The following DNAJB6 variants were observed in gnomAD, a reference collection of about 807,000 sequenced individuals.
The protein encoded by DNAJB6 is DnaJ heat shock protein family (Hsp40) member B6.
DNAJB6 carries 16 observed loss-of-function variants against 42.7 expected under a neutral mutation model. That is an observed-to-expected ratio of 0.37 (90% confidence interval 0.25 to 0.57). DNAJB6 has a LOEUF of 0.57. Among genes scored for constraint, DNAJB6 ranks in the 20% least tolerant of loss-of-function variants. The probability of loss-of-function intolerance (pLI) is 0.74; values close to 1 mark genes in which losing one functional copy is unlikely to be tolerated. For synonymous variants in DNAJB6, 170 were observed against 163.5 expected (o/e 1.04, Z -0.30); for missense variants, 347 against 416.8 (o/e 0.83, Z 1.46).
intron 1 of DNAJB6, among the ~76,000 whole-genome samples, chr7:157,340,257 T>A (rs1464167183): frequency 6.6e-6 from 1 of 152,214 alleles, no homozygotes; most frequent in Non-Finnish European, 1.5e-5. Flanking sequence ...ATGATTCTGT[T>A]CAAAATGTGG....
chr7:157,379,425 G>A (rs1335611709), intron 5 of DNAJB6: 1 of 152,198 alleles, frequency 6.6e-6, no homozygotes. Context: ...TAGGGACTCA[G>A]GTATGGACAG....
chr7:157,415,590 C>T (rs181546545), intron 9 of DNAJB6: 36 of 189,468 alleles, frequency 1.9e-4, no homozygotes, highest in African/African-American at 7.3e-4. Context: ...GGTGGGGTTC[C>T]GGGACTGAGG....
chr7:157,386,959 T>C (rs1192998081), intron 8 of DNAJB6, among the ~76,000 whole-genome samples: 1 of 151,362 alleles, frequency 6.6e-6, no homozygotes, highest in Non-Finnish European at 1.5e-5. Flanking sequence ...ATGATTACCA[T>C]TGGTAACTAG....
At chr7:157,367,525 C>G in intron 5 of DNAJB6, 42 bp downstream of exon 5, 1 of 1,175,328 alleles carries the variant, frequency 8.5e-7, no homozygotes, top group Non-Finnish European at 1.3e-6. Context: ...TGTCCATGAC[C>G]CAAATGAGGG....
intron 1 of DNAJB6, among the ~76,000 whole-genome samples, chr7:157,350,374 G>A (rs538331936): frequency 7.2e-5 from 11 of 152,262 alleles, no homozygotes; most frequent in African/African-American, 1.4e-4. Context: ...GTAACTATGC[G>A]GAAGAGAAAT....
chr7:157,405,926 C>T (rs539422610), intron 8 of DNAJB6, among the ~76,000 whole-genome samples: 4 of 152,356 alleles, frequency 2.6e-5, no homozygotes, highest in African/African-American at 9.6e-5. Flanking sequence ...GGTGGGAACG[C>T]TCCATCCACA....
At chr7:157,376,977 AT>A (rs1800508636) in intron 5 of DNAJB6, among the ~76,000 whole-genome samples, 2 of 152,170 alleles carry the variant, frequency 1.3e-5, no homozygotes, top group Non-Finnish European at 2.9e-5. Flanking sequence ...GAATGAAAAC[AT>A]TTTCTGGTTG....
chr7:157,348,774 C>G (rs1246667467), intron 1 of DNAJB6, among the ~76,000 whole-genome samples: 2 of 152,082 alleles, frequency 1.3e-5, no homozygotes, highest in Non-Finnish European at 2.9e-5. Context: ...CTTTCTTGTC[C>G]TGACTCCCTC....
At chr7:157,347,353 G>A (rs759588271) in intron 1 of DNAJB6, among the ~76,000 whole-genome samples, 1 of 152,200 alleles carries the variant, frequency 6.6e-6, no homozygotes, top group Non-Finnish European at 1.5e-5. Flanking sequence ...GCTAGCATGA[G>A]TTCTGGAGGC....
At chr7:157,412,559 T>C (rs1050072394) in intron 9 of DNAJB6, 14 of 152,156 alleles carry the variant, frequency 9.2e-5, no homozygotes, top group African/African-American at 1.2e-4. Context: ...TCACTGAAGG[T>C]CTCGCTTTCC....
At chr7:157,360,702 T>C (rs754768436) in intron 2 of DNAJB6, among the ~76,000 whole-genome samples, 2 of 152,226 alleles carry the variant, frequency 1.3e-5, no homozygotes, top group Non-Finnish European at 2.9e-5. Flanking sequence ...GGGGGCGTGC[T>C]GTTAGTCTAT....
chr7:157,377,009 A>G (rs143840611), intron 5 of DNAJB6, among the ~76,000 whole-genome samples: 2,568 of 152,330 alleles, frequency 0.017, 41 homozygotes, highest in Non-Finnish European at 0.026. Context: ...GAGTTTGTCT[A>G]AAGACCTGGG....
intron 8 of DNAJB6, among the ~76,000 whole-genome samples, chr7:157,398,162 C>G (rs1801686475): frequency 6.6e-6 from 1 of 152,310 alleles, no homozygotes; most frequent in African/African-American, 2.4e-5. Context: ...ACAGCACTGC[C>G]TTGCCACATT....
intron 8 of DNAJB6, among the ~76,000 whole-genome samples, chr7:157,397,201 CCTGGGAAGTTG>C (rs1356842909): frequency 6.6e-6 from 1 of 152,224 alleles, no homozygotes; most frequent in Non-Finnish European, 1.5e-5. Flanking sequence ...CGGCGTGCTT[CCTGGGAAGTTG>C]CTAAGCTGCG....
intron 1 of DNAJB6, among the ~76,000 whole-genome samples, chr7:157,355,661 A>T (rs1377844610): frequency 6.6e-6 from 1 of 152,174 alleles, no homozygotes; most frequent in Non-Finnish European, 1.5e-5. Context: ...CAGGCAAGGA[A>T]GTGGAGCGGC....
intron 8 of DNAJB6, among the ~76,000 whole-genome samples, chr7:157,390,224 G>C (rs1304358003): frequency 2.0e-5 from 3 of 152,342 alleles, no homozygotes; most frequent in Middle Eastern, 3.4e-3. Context: ...CCCTCCTGCT[G>C]TGCGACCTGC....
intron 8 of DNAJB6, among the ~76,000 whole-genome samples, chr7:157,395,178 A>G (rs1801524632): frequency 6.6e-6 from 1 of 152,160 alleles, no homozygotes. Flanking sequence ...CCAGGGCTGG[A>G]AGCATACTTG....
chr7:157,383,611 TTGTGTGTGTGTGTGTG>T (rs57002445), intron 6 of DNAJB6, among the ~76,000 whole-genome samples: 63 of 149,678 alleles, frequency 4.2e-4, no homozygotes, highest in African/African-American at 1.3e-3. Context: ...GTATGTGTGT[TTGTGTGTGTGTGTGTG>T]TGTGTGTGTG....
At chr7:157,408,194 G>A (rs554308864) in intron 8 of DNAJB6, among the ~76,000 whole-genome samples, 210 of 152,306 alleles carry the variant, frequency 1.4e-3, no homozygotes, top group African/African-American at 4.8e-3. Context: ...GGGGTCCTGG[G>A]GTCCCCTGGC....
Sources: gnomAD v4.1 joint callset for allele counts (sites outside exome capture counted in the v4.1 genomes callset) on GRCh38, gnomAD v4.1.1 for gene constraint, MANE v1.5 for transcripts, NCBI Gene and HGNC (gene_info 2026-07-23, HGNC 2026-07-21) for gene names.